TRPM8: variants seen among roughly 807,000 people sequenced by gnomAD.
TRPM8 encodes the protein transient receptor potential cation channel subfamily M member 8.
TRPM8 carries 110 observed loss-of-function variants against 133.7 expected under a neutral mutation model. The observed-to-expected ratio is 0.82, with a 90% CI of 0.70 to 0.96. The LOEUF (loss-of-function observed/expected upper bound fraction) is 0.96, where lower values mean the gene tolerates loss of function less well. Ranked by LOEUF, TRPM8 falls within the 40% of genes least tolerant of loss-of-function variation. TRPM8 has a pLI of 0.00. For missense variants in TRPM8, 1,291 were observed against 1,379.5 expected (o/e 0.94, Z 1.02); for synonymous variants, 535 against 532.3 (o/e 1.01, Z -0.07).
chr2:233,974,214 A>T (rs1213705064), intron 17 of TRPM8, among the ~76,000 whole-genome samples: 11 of 151,514 alleles, frequency 7.3e-5, no homozygotes, highest in Admixed American at 2.0e-4. Context: ...TAAGTGCCAA[A>T]TTTTTTTTGT....
intron 11 of TRPM8, among the ~76,000 whole-genome samples, chr2:233,956,544 C>T (rs1310724491): frequency 3.9e-5 from 6 of 151,946 alleles, no homozygotes; most frequent in Admixed American, 6.6e-5. Flanking sequence ...ATTAGGGGGC[C>T]GTGATAATAT....
chr2:233,943,926 G>T (rs535878129), intron 6 of TRPM8, among the ~76,000 whole-genome samples: 3 of 152,034 alleles, frequency 2.0e-5, no homozygotes, highest in African/African-American at 7.2e-5. Flanking sequence ...TTTGTGTCTT[G>T]GTTACCATTT....
At chr2:233,994,123 T>TCTGGC (rs1259946791) in intron 21 of TRPM8, among the ~76,000 whole-genome samples, 2 of 152,224 alleles carry the variant, frequency 1.3e-5, no homozygotes, top group Non-Finnish European at 2.9e-5. Context: ...TAATAGTTGT[T>TCTGGC]CTGGCCCAAG....
chr2:233,927,912 C>CTT lies in TRPM8; in HGVS notation c.117+1259_117+1260insTT, dbSNP rs1559516653. On this transcript the variant is annotated intron_variant, in intron 2 of 25. Transcript: ENST00000324695. The stretch of plus-strand genomic sequence containing the variant: ...TTTCTTTCTTTCTTTCTTTCTTTCT[C>CTT]TCTCTCTCTCTTTCTCTCTCTCTCT... Among the ~76,000 whole-genome samples the CTT allele has an allele frequency of 3.5e-3, 100 of 28,268 alleles. 5 individuals are homozygous for CTT. The highest frequency in any genetic ancestry group is 5.5e-3 in the African/African-American group (16 of 2,922). The allele number at this position is 28,268 out of a possible 152,430, so 18.5% of individuals were successfully genotyped here. A position where few individuals can be genotyped will look rare whatever the true frequency, so the allele number is the denominator to read the frequency against.
chr2:233,995,178 T>C (rs2125344316), intron 21 of TRPM8, among the ~76,000 whole-genome samples: 1 of 152,354 alleles, frequency 6.6e-6, no homozygotes, highest in African/African-American at 2.4e-5. Flanking sequence ...CTTACCTTTG[T>C]TGTGCCTCCA....
chr2:233,982,142 A>G (rs1238766020), intron 19 of TRPM8, among the ~76,000 whole-genome samples: 4 of 152,212 alleles, frequency 2.6e-5, no homozygotes, highest in African/African-American at 9.6e-5. Flanking sequence ...AAATAACCTC[A>G]TACTTACTTA....
intron 24 of TRPM8, among the ~76,000 whole-genome samples, chr2:234,009,143 G>T (rs927066090): frequency 3.9e-5 from 6 of 152,200 alleles, no homozygotes; most frequent in African/African-American, 1.4e-4. Context: ...TAAAACCCAA[G>T]AGGGACCTAT....
chr2:233,986,948 T>A (rs761466779), intron 21 of TRPM8, among the ~76,000 whole-genome samples: 7 of 152,168 alleles, frequency 4.6e-5, no homozygotes, highest in Admixed American at 1.3e-4. Flanking sequence ...GAACGAAAGT[T>A]AAAGGGAGTC....
At chr2:234,009,123 C>T (rs1381371570) in intron 24 of TRPM8, among the ~76,000 whole-genome samples, 7 of 152,070 alleles carry the variant, frequency 4.6e-5, no homozygotes, top group Admixed American at 3.3e-4. Flanking sequence ...AGGGAAGGCT[C>T]GGGGAGTTTT....
Position 233,946,266 on chromosome 2 carries a change from C to A in TRPM8, c.874+236C>A, listed in dbSNP as rs17864746. On this transcript the variant is annotated intron_variant, in intron 7 of 25. Coordinates refer to ENST00000324695, the MANE Select transcript of TRPM8 (RefSeq NM_024080.5). ...TAAAGGCAATGATAAATACGGCCAT[C>A]TTCCATTGTGGTTTGTTAGTATCAA... is the stretch of plus-strand genomic sequence containing the variant. 1,478 of 411,736 alleles carry A rather than the reference C, an allele frequency of 3.6e-3. 3 individuals are homozygous for A. Among genetic ancestry groups the A allele is most frequent in the Non-Finnish European group, 5.4e-3 (1,225 of 228,918 alleles). The allele number at this position is 411,736 out of a possible 1,614,324, so 25.5% of individuals were successfully genotyped here.
At chr2:233,947,474 C>G in intron 8 of TRPM8, 2 of 1,349,982 alleles carry the variant, frequency 1.5e-6, no homozygotes, top group Middle Eastern at 2.0e-4. Context: ...AAAGCTATGG[C>G]CAACCTATCT....
chr2:233,970,095 C>T (rs2125223539), intron 16 of TRPM8, 115 bp from the exon 17 acceptor site: 1 of 998,956 alleles, frequency 1.0e-6, no homozygotes, highest in East Asian at 2.4e-5. Flanking sequence ...CGGTTTTGCT[C>T]CCGTCTCTTC....
At chr2:233,927,956 CTCTCTTTCTT>C (rs1691598580) in intron 2 of TRPM8, among the ~76,000 whole-genome samples, 7 of 70,282 alleles carry the variant, frequency 1.0e-4, no homozygotes, top group African/African-American at 2.2e-4. Context: ...CTCTCTCTCT[CTCTCTTTCTT>C]TCTTTCTTTC....
At chr2:233,935,825 G>C (rs2125071657) in intron 3 of TRPM8, among the ~76,000 whole-genome samples, 1 of 152,288 alleles carries the variant, frequency 6.6e-6, no homozygotes, top group Admixed American at 6.5e-5. Context: ...GCCTCACTGA[G>C]TGGGAGTTGT....
At chr2:234,002,621 C>T (rs1468545301) in intron 22 of TRPM8, among the ~76,000 whole-genome samples, 3 of 152,094 alleles carry the variant, frequency 2.0e-5, no homozygotes, top group Non-Finnish European at 2.9e-5. Context: ...AATATGTTGG[C>T]GGAGGGGAGG....
chr2:234,018,320 G>A lies in TRPM8; in HGVS notation c.*1064G>A, dbSNP rs954871950. 14 of 151,980 alleles carry A rather than the reference G, an allele frequency of 9.2e-5. No homozygotes were observed. The highest frequency in any genetic ancestry group is 3.4e-4 in the African/African-American group (14 of 41,488). The allele number at this position is 151,980 out of a possible 1,614,324, so 9.4% of individuals were successfully genotyped here. Reference sequence around the variant, plus strand: ...GATTACCATAATTTTGCTCATTGAAGGCTATCTCCAGTTGATCATTGGGAT... The same window carrying A: ...GATTACCATAATTTTGCTCATTGAAAGCTATCTCCAGTTGATCATTGGGAT... On this transcript the variant is annotated 3_prime_UTR_variant, in exon 26 of 26. Transcript: ENST00000324695.
At chr2:233,924,539 C>T (rs551124399) in intron 1 of TRPM8, among the ~76,000 whole-genome samples, 2 of 152,238 alleles carry the variant, frequency 1.3e-5, no homozygotes, top group Admixed American at 6.5e-5. Flanking sequence ...GGGATAGCTG[C>T]TATCTAAGAC....
At chr2:233,947,925 C>T in intron 8 of TRPM8, among the ~76,000 whole-genome samples, 1 of 151,776 alleles carries the variant, frequency 6.6e-6, no homozygotes. Context: ...AGCATAGTAC[C>T]CCATAGGTAG....
Position 233,960,860 on chromosome 2 carries a change from A to C in TRPM8, c.1447A>C (p.Asn483His), listed in dbSNP as rs1401312410. ...FVRLFLENGL[N>H]LRKFLTHDVL... ...CCGCCTCTTTCTGGAGAATGGCTTGAACCTACGGAAGTTTCTCACCCATGA... is the reference window on the plus strand; with the variant it reads ...CCGCCTCTTTCTGGAGAATGGCTTGCACCTACGGAAGTTTCTCACCCATGA... The change falls in exon 12 of 26, where the codon AAC becomes CAC. Residue 483 changes from asparagine (N) to histidine (H), a missense_variant. Physicochemically the swap from Asn to His is moderately conservative, Grantham distance 68. Around this residue, in one of 2 missense-constraint regions of TRPM8, gnomAD observed 963 missense variants for 968.9 expected, o/e 0.99. Transcript: ENST00000324695. 1.2e-6 allele frequency: 2 copies of C among 1,614,064 alleles called. No individual in the cohort carries two copies. Among genetic ancestry groups the C allele is most frequent in the Non-Finnish European group, 1.7e-6 (2 of 1,180,038 alleles).
Sources: allele counts gnomAD v4.1 joint callset (sites outside exome capture counted in the v4.1 genomes callset), GRCh38; gene constraint gnomAD v4.1.1; regional missense constraint gnomAD v4.1.1; transcripts MANE v1.5; gene names NCBI Gene and HGNC (gene_info 2026-07-23, HGNC 2026-07-21).